VWA5A: variants seen among roughly 807,000 people sequenced by gnomAD.
The protein encoded by VWA5A is von Willebrand factor A domain-containing protein 5A.
A neutral mutation model predicts 84.6 loss-of-function variants in VWA5A; 77 were observed. The observed-to-expected ratio is 0.91, with a 90% CI of 0.76 to 1.10. The LOEUF (loss-of-function observed/expected upper bound fraction) is 1.10, where lower values mean the gene tolerates loss of function less well. Among genes scored for constraint, VWA5A ranks in the 50% least tolerant of loss-of-function variants. The pLI, the probability that VWA5A is intolerant of heterozygous loss-of-function variation, is 0.00. For synonymous variants in VWA5A, 334 were observed against 350.1 expected (o/e 0.95, Z 0.51); for missense variants, 973 against 963.0 (o/e 1.01, Z -0.14).
At position 124,142,477 on chromosome 11, in the gene VWA5A, C is replaced by A; in HGVS notation, c.2059C>A (p.His687Asn). The A allele has an allele frequency of 6.2e-7, 1 of 1,614,138 alleles. No individual in the cohort carries two copies. ...GAATCACCTTGTGCAGCTGATTTAC[C>A]ACCAAAATGCAAATGGTTCCTGGGA... ...GENHLVQLIY[H>N]QNANGSWDLN... Residue 687 changes from histidine (H) to asparagine (N), a missense_variant, in exon 17 of 19, where the codon CAC becomes AAC. Physicochemically the swap from His to Asn is moderately conservative, Grantham distance 68. Transcript: ENST00000456829.
At chr11:124,145,480 C>A (rs759830208) in intron 18 of VWA5A, 117 bp downstream of exon 18, 109 of 1,362,710 alleles carry the variant, frequency 8.0e-5, no homozygotes, top group Non-Finnish European at 1.0e-4. Flanking sequence ...CTTTACTAAT[C>A]TTTCTGCTAG....
intron 7 of VWA5A, among the ~76,000 whole-genome samples, chr11:124,122,278 TA>T (rs1449680390): frequency 1.3e-5 from 2 of 152,238 alleles, no homozygotes; most frequent in Admixed American, 1.3e-4. Context: ...CACTTGCTTC[TA>T]AAAATAGTCA....
At chr11:124,133,722 A>G (rs905593581) in intron 11 of VWA5A, among the ~76,000 whole-genome samples, 1 of 152,232 alleles carries the variant, frequency 6.6e-6, no homozygotes, top group African/African-American at 2.4e-5. Context: ...TTAGAAACCT[A>G]ATAGTACTCA....
intron 15 of VWA5A, among the ~76,000 whole-genome samples, chr11:124,139,065 C>G (rs1860675393): frequency 6.6e-6 from 1 of 152,118 alleles, no homozygotes; most frequent in Admixed American, 6.5e-5. Flanking sequence ...GCACTTTTGT[C>G]AAAAATTAGT....
At chr11:124,126,383 A>ACTTTGGTCTTTT (rs1865018790) in intron 11 of VWA5A, among the ~76,000 whole-genome samples, 1 of 152,184 alleles carries the variant, frequency 6.6e-6, no homozygotes, top group Non-Finnish European at 1.5e-5. Flanking sequence ...CCTTTCATTT[A>ACTTTGGTCTTTT]CTTTGGTCTT....
At chr11:124,124,620 T>G in intron 11 of VWA5A, 1 of 1,030,836 alleles carries the variant, frequency 9.7e-7, no homozygotes, top group South Asian at 2.6e-5. Flanking sequence ...TGCTGAAAAC[T>G]ACACAAATTA....
chr11:124,135,682 C>T (rs1865168356), intron 12 of VWA5A, among the ~76,000 whole-genome samples: 1 of 149,362 alleles, frequency 6.7e-6, no homozygotes. Context: ...AGGCGCCCGC[C>T]ACTACGCCCG....
chr11:124,141,476 C>A, intron 15 of VWA5A, 122 bp from the exon 16 acceptor site: 2 of 1,256,130 alleles, frequency 1.6e-6, no homozygotes, highest in Non-Finnish European at 2.2e-6. Flanking sequence ...AGAAAAATAG[C>A]ACAGTAAGGG....
chr11:124,119,010 C>T lies in VWA5A; in HGVS notation c.681C>T (p.Asp227=), dbSNP rs140579492. Residue 227 remains aspartate (D), a synonymous_variant, in exon 7 of 19, where the codon GAC becomes GAT. Transcript: ENST00000456829. ...CTGCTGGACACAAGTTTGATCGGGACGTGGAACTCCTGATTTACTACAATG... is the reference window on the plus strand; with the variant it reads ...CTGCTGGACACAAGTTTGATCGGGATGTGGAACTCCTGATTTACTACAATG... ...SLAAGHKFDR[D]VELLIYYNEV... The T allele has an allele frequency of 7.4e-6, 12 of 1,614,038 alleles. No individual in the cohort carries two copies. Among genetic ancestry groups the T allele is most frequent in the Middle Eastern group, 3.3e-4 (2 of 6,084 alleles).
At chr11:124,141,787 A>ACATATACAGGAATAGG (rs1330427469) in intron 16 of VWA5A, 46 bp downstream of exon 16, 1 of 1,604,370 alleles carries the variant, frequency 6.2e-7, no homozygotes, top group African/African-American at 1.3e-5. Context: ...TTTTTCTGTC[A>ACATATACAGGAATAGG]CATATACAGG....
intron 12 of VWA5A, among the ~76,000 whole-genome samples, chr11:124,135,655 T>G (rs7112394): frequency 2.8e-5 from 4 of 140,928 alleles, no homozygotes; most frequent in African/African-American, 1.1e-4. Flanking sequence ...CTCAGCCTCC[T>G]GAGTAGCTGG....
intron 17 of VWA5A, 144 bp from the exon 18 acceptor site, chr11:124,145,093 G>A: frequency 2.0e-6 from 2 of 1,001,938 alleles, no homozygotes; most frequent in Non-Finnish European, 2.8e-6. Flanking sequence ...ATTATGCCTT[G>A]CAAGTAGTAT....
chr11:124,142,967 C>G (rs1201601043), intron 17 of VWA5A, among the ~76,000 whole-genome samples: 1 of 152,118 alleles, frequency 6.6e-6, no homozygotes, highest in Admixed American at 6.5e-5. Flanking sequence ...TAAGGTAGAT[C>G]CCATTTGTGT....
intron 7 of VWA5A, among the ~76,000 whole-genome samples, chr11:124,119,658 C>A (rs1190330934): frequency 6.6e-6 from 1 of 152,092 alleles, no homozygotes; most frequent in African/African-American, 2.4e-5. Flanking sequence ...TATTAGTAAG[C>A]AATCAAAATG....
chr11:124,133,415 G>T (rs1242242123), intron 11 of VWA5A, among the ~76,000 whole-genome samples: 1 of 152,208 alleles, frequency 6.6e-6, no homozygotes, highest in Non-Finnish European at 1.5e-5. Flanking sequence ...AAGGGTCAAG[G>T]AACATCAGAT....
intron 11 of VWA5A, among the ~76,000 whole-genome samples, chr11:124,132,015 G>T (rs1184063303): frequency 2.0e-5 from 3 of 151,762 alleles, no homozygotes; most frequent in Non-Finnish European, 1.5e-5. Flanking sequence ...TGTTTTGAGG[G>T]TTCTTTTCTC....
Position 124,140,704 on chromosome 11 carries a change from C to T in VWA5A, c.1880-894C>T, listed in dbSNP as rs564464662. On this transcript the variant is annotated intron_variant, in intron 15 of 18. Transcript: ENST00000456829. The stretch of plus-strand genomic sequence containing the variant: ...GGCTGGTCTCAAACTTCTGGCCTTG[C>T]GTGATCCTTCTGCCTGGGACTCTAG... Among the ~76,000 whole-genome samples, 22 of 152,188 alleles carry T rather than the reference C, an allele frequency of 1.4e-4. No homozygotes were observed. In the East Asian group the frequency reaches 2.7e-3, roughly 19 times the overall value.
Position 124,135,982 on chromosome 11 carries a change from T to C in VWA5A, c.1360-147T>C, listed in dbSNP as rs117950586. On this transcript the variant is annotated intron_variant, in intron 12 of 18. Transcript: ENST00000456829. ...CTTATTCATATGCAAAGCTTCTTCA[T>C]ATATAAAGCCCATCTCCTAGAATAG... The C allele has an allele frequency of 4.3e-3, 3,504 of 812,702 alleles. 13 individuals are homozygous for C. Among genetic ancestry groups the C allele is most frequent in the Non-Finnish European group, 5.3e-3 (2,799 of 532,524 alleles). 50.3% of individuals were successfully genotyped at this position (812,702 alleles called of 1,614,324 possible).
At chr11:124,117,367 G>T in intron 2 of VWA5A, 130 bp from the exon 3 acceptor site, 5 of 894,966 alleles carry the variant, frequency 5.6e-6, no homozygotes, top group South Asian at 3.1e-5. Flanking sequence ...TTTTTTAAAG[G>T]TTCCAACTTC....
Sources: allele counts gnomAD v4.1 joint callset (sites outside exome capture counted in the v4.1 genomes callset), GRCh38; gene constraint gnomAD v4.1.1; transcripts MANE v1.5; gene names NCBI Gene and HGNC (gene_info 2026-07-23, HGNC 2026-07-21).